Variants in SYNPR observed in about 807,000 individuals in gnomAD.
The protein encoded by SYNPR is synaptoporin.
In SYNPR, 23 loss-of-function variants were observed where a neutral mutation model predicts 32.9. The observed-to-expected ratio is 0.70, with a 90% CI of 0.50 to 0.99. SYNPR has a LOEUF of 0.99. Ranked by LOEUF, SYNPR falls within the 50% of genes least tolerant of loss-of-function variation. SYNPR has a pLI of 0.00. For missense variants in SYNPR, 318 were observed against 349.3 expected (o/e 0.91, Z 0.71); for synonymous variants, 146 against 135.9 (o/e 1.07, Z -0.52).
intron 2 of SYNPR, among the ~76,000 whole-genome samples, chr3:63,462,133 C>T (rs1240129621): frequency 2.0e-5 from 3 of 151,976 alleles, no homozygotes; most frequent in African/African-American, 7.2e-5. Flanking sequence ...AATTTTCTGT[C>T]TGAGTCTGCA....
intron 2 of SYNPR, among the ~76,000 whole-genome samples, chr3:63,400,217 G>A (rs1174381389): frequency 1.3e-5 from 2 of 152,238 alleles, no homozygotes; most frequent in African/African-American, 4.8e-5. Context: ...GGTACGCCAT[G>A]TTAGTTATCT....
In SYNPR at chr3:63,374,881, A is replaced by G. The variant is rs555691606; in HGVS notation, c.84+96139A>G. ...CTTGTTTTTGTAAGGTTTGTCAAAG[A>G]TCAGATGGTTGTAGATGTGTGGTGT... is the stretch of plus-strand genomic sequence containing the variant. On this transcript the variant is annotated intron_variant, in intron 2 of 5. Transcript: ENST00000478300. Among the ~76,000 whole-genome samples, 19 of 152,308 alleles carry G rather than the reference A, an allele frequency of 1.2e-4. No individual in the cohort carries two copies. The South Asian group carries it at 3.9e-3, about 32-fold the overall frequency.
chr3:63,453,443 T>C (rs145487359), intron 2 of SYNPR, among the ~76,000 whole-genome samples: 1 of 152,276 alleles, frequency 6.6e-6, no homozygotes, highest in Non-Finnish European at 1.5e-5. Flanking sequence ...AGATTAAAAG[T>C]AGACCTGTCA....
intron 2 of SYNPR, among the ~76,000 whole-genome samples, chr3:63,476,484 T>A (rs1006866568): frequency 6.6e-6 from 1 of 152,116 alleles, no homozygotes; most frequent in Non-Finnish European, 1.5e-5. Context: ...TTCCAGATAA[T>A]GTGATTTTGA....
upstream of SYNPR, among the ~76,000 whole-genome samples, chr3:63,226,395 G>A (rs183993860): frequency 4.0e-3 from 610 of 152,128 alleles, 1 homozygote; most frequent in Non-Finnish European, 6.0e-3. Flanking sequence ...AAGGAATACC[G>A]GCACTTGCAT....
intron 2 of SYNPR, among the ~76,000 whole-genome samples, chr3:63,466,695 G>C (rs1227817300): frequency 7.4e-6 from 1 of 134,790 alleles, no homozygotes; most frequent in African/African-American, 3.7e-5. Context: ...CAAGCTGAAG[G>C]TGCTGGCAAG....
chr3:63,221,887 G>A, the SYNPR span, among the ~76,000 whole-genome samples: 1 of 151,926 alleles, frequency 6.6e-6, no homozygotes, highest in African/African-American at 2.4e-5. Context: ...ATCTCTAAAG[G>A]GTTTAGCATA....
chr3:63,549,487 TC>T (rs1336116904), intron 3 of SYNPR, among the ~76,000 whole-genome samples: 3 of 152,118 alleles, frequency 2.0e-5, no homozygotes, highest in African/African-American at 7.2e-5. Context: ...TCAGGCAAGG[TC>T]ATTATTCTTT....
chr3:63,602,054 G>A (rs1700052730), intron 4 of SYNPR, among the ~76,000 whole-genome samples: 1 of 152,102 alleles, frequency 6.6e-6, no homozygotes, highest in Non-Finnish European at 1.5e-5. Flanking sequence ...AGTGTGAGAT[G>A]GTATCTCTTT....
intron 3 of SYNPR, among the ~76,000 whole-genome samples, chr3:63,484,275 T>C (rs1297728635): frequency 6.6e-6 from 1 of 152,186 alleles, no homozygotes; most frequent in Non-Finnish European, 1.5e-5. Context: ...GAACAACTAT[T>C]ACTTAACTGT....
chr3:63,500,407 G>A (rs1004920000), intron 3 of SYNPR, among the ~76,000 whole-genome samples: 1 of 152,050 alleles, frequency 6.6e-6, no homozygotes, highest in Non-Finnish European at 1.5e-5. Flanking sequence ...AGCAATTGTG[G>A]GATTCTGGGT....
At chr3:63,386,819 T>G (rs1305275231) in intron 2 of SYNPR, among the ~76,000 whole-genome samples, 1 of 152,198 alleles carries the variant, frequency 6.6e-6, no homozygotes, top group East Asian at 1.9e-4. Flanking sequence ...ATGGCACTGC[T>G]GTAGGTCAGC....
intron 2 of SYNPR, among the ~76,000 whole-genome samples, chr3:63,401,563 G>A (rs1443109136): frequency 6.6e-6 from 1 of 152,140 alleles, no homozygotes. Flanking sequence ...CTGCACACTG[G>A]CTGCCCTGGG....
upstream of SYNPR, among the ~76,000 whole-genome samples, chr3:63,273,529 A>G (rs562720290): frequency 1.7e-4 from 26 of 152,344 alleles, no homozygotes; most frequent in African/African-American, 5.5e-4. Context: ...TCTGGGGTCA[A>G]TGGATCCAAT....
the SYNPR span, among the ~76,000 whole-genome samples, chr3:63,209,874 C>A: frequency 6.6e-6 from 1 of 152,142 alleles, no homozygotes; most frequent in Non-Finnish European, 1.5e-5. Context: ...TTGGAAGCTC[C>A]ATGAAACATG....
Position 63,459,864 on chromosome 3 carries a change from G to A in SYNPR, c.85-20968G>A, listed in dbSNP as rs558490478. Among the ~76,000 whole-genome samples, 6 of 152,004 alleles carry A rather than the reference G, an allele frequency of 3.9e-5. No homozygotes were observed. In the East Asian group the frequency reaches 5.8e-4, roughly 15 times the overall value. On this transcript the variant is annotated intron_variant, in intron 2 of 5. Transcript: ENST00000478300. ...AAGACAGAGGAAAATGCTGCCATCC[G>A]TCATTCAGCAAAGTCATCTTTGACA...
rs73831876 is a variant in SYNPR at position 63,518,007 on chromosome 3, T to A, written c.209+37051T>A. ...GTTGGCAAGAAGGCAACAAACACCA[T>A]GAAAACAACTCCCACTTAGGCTGAC... is the stretch of plus-strand genomic sequence containing the variant. On this transcript the variant is annotated intron_variant, in intron 3 of 5. Transcript: ENST00000478300. 3.4e-3 allele frequency among the ~76,000 whole-genome samples: 523 copies of A among 152,274 alleles called. 2 individuals carry two copies. The highest frequency in any genetic ancestry group is 0.012 in the African/African-American group (499 of 41,574).
intron 3 of SYNPR, among the ~76,000 whole-genome samples, chr3:63,516,295 C>T (rs557803372): frequency 4.6e-5 from 7 of 152,118 alleles, no homozygotes; most frequent in East Asian, 3.9e-4. Context: ...CTGGATCAAT[C>T]GGCTTTCTGG....
chr3:63,315,645 C>T (rs1368426665), intron 2 of SYNPR, among the ~76,000 whole-genome samples: 1 of 151,798 alleles, frequency 6.6e-6, no homozygotes, highest in Non-Finnish European at 1.5e-5. Context: ...CTGGAGGAGT[C>T]CTTAGGGTTT....
Sources: gnomAD v4.1 joint callset for allele counts (sites outside exome capture counted in the v4.1 genomes callset) on GRCh38, gnomAD v4.1.1 for gene constraint, MANE v1.5 for transcripts, NCBI Gene and HGNC (gene_info 2026-07-23, HGNC 2026-07-21) for gene names.